The following LIN54 variants were observed in gnomAD, a reference collection of about 807,000 sequenced individuals.
LIN54 encodes protein lin-54 homolog.
A neutral mutation model predicts 78.7 loss-of-function variants in LIN54; 9 were observed. The observed-to-expected ratio is 0.11, with a 90% confidence interval of 0.07 to 0.20. The LOEUF is 0.20. LIN54 is among the 10% of genes least tolerant of loss of function. The pLI is 1.00. For synonymous variants in LIN54, 269 were observed against 318.4 expected (o/e 0.84, Z 1.65); for missense variants, 573 against 889.9 (o/e 0.64, Z 4.53).
At chr4:82,983,055 T>C (rs1350256817) in intron 2 of LIN54, among the ~76,000 whole-genome samples, 1 of 150,136 alleles carries the variant, frequency 6.7e-6, no homozygotes, top group African/African-American at 2.4e-5. Context: ...TCACCCAGGC[T>C]GGAGTGCAAT....
Position 82,984,655 on chromosome 4 carries a change from C to T in LIN54, c.190G>A (p.Glu64Lys). ...TGGTTACTGTACACTGTGATTGGTT[C>T]CGTGGAAATGGGCGTGGCTGTAGAG... is the stretch of plus-strand genomic sequence containing the variant. The part of the protein sequence containing the change: ...GDSTATPIST[E>K]PITVYSNHTN... The change falls in exon 2 of 13, where the codon GAA (glutamate) becomes AAA (lysine). Residue 64 changes from glutamate to lysine, a missense_variant. Around this residue, in one of 6 missense-constraint regions of LIN54, gnomAD observed 183 missense variants for 228.4 expected, o/e 0.80. Coordinates refer to ENST00000340417, the MANE Select transcript of LIN54 (RefSeq NM_194282.4). 3 of 1,614,108 alleles carry T rather than the reference C, an allele frequency of 1.9e-6. No homozygotes were observed. Among genetic ancestry groups the T allele is most frequent in the Non-Finnish European group, 2.5e-6 (3 of 1,180,030 alleles).
rs1181627215 is a variant in LIN54, at chr4:82,941,583, CAG to C, written c.1169-1623_1169-1622del. On this transcript the variant is annotated intron_variant, in intron 5 of 12. Coordinates refer to ENST00000340417, the MANE Select transcript of LIN54 (RefSeq NM_194282.4). ...TTGTATTTGGCAGCAGTGCATAAAA[CAG>C]AATGGAGTTGCAAGAGACAAGTCAG... 1.6e-4 allele frequency among the ~76,000 whole-genome samples: 24 copies of C among 152,102 alleles called. 1 individual carries two copies. The highest frequency in any genetic ancestry group is 2.6e-4 in the Admixed American group (4 of 15,274).
chr4:82,987,670 G>T (rs1212008360), intron 1 of LIN54, among the ~76,000 whole-genome samples: 1 of 152,150 alleles, frequency 6.6e-6, no homozygotes, highest in East Asian at 1.9e-4. Flanking sequence ...TGAGAATGAT[G>T]GCTTCCAGTT....
At chr4:82,941,678 G>C (rs2126039263) in intron 5 of LIN54, among the ~76,000 whole-genome samples, 1 of 152,278 alleles carries the variant, frequency 6.6e-6, no homozygotes, top group African/African-American at 2.4e-5. Flanking sequence ...ATAAAAAAGA[G>C]AGAGCAGATG....
At chr4:82,929,305 ATTG>A (rs966977079) in intron 12 of LIN54, among the ~76,000 whole-genome samples, 19 of 152,212 alleles carry the variant, frequency 1.2e-4, no homozygotes, top group African/African-American at 2.9e-4. Context: ...TTGTTTTCAT[ATTG>A]TTAACATCTT....
chr4:82,991,154 G>GA (rs56936823), intron 1 of LIN54, among the ~76,000 whole-genome samples: 49 of 86,318 alleles, frequency 5.7e-4, no homozygotes, highest in African/African-American at 1.6e-3. Context: ...TGTCTCTTAA[G>GA]AAAAAAAAAA....
intron 10 of LIN54, 21 bp downstream of exon 10, chr4:82,936,231 GATGAAACTGGATATTTCTGTCAGTTAA>G: frequency 6.6e-7 from 1 of 1,515,770 alleles, no homozygotes; most frequent in Non-Finnish European, 9.1e-7. Context: ...TTATAAAACT[GATGAAACTGGATATTTCTGTCAGTTAA>G]ATGAAATAAA....
intron 4 of LIN54, among the ~76,000 whole-genome samples, chr4:82,947,236 T>TATATATA (rs1553949048): frequency 2.2e-3 from 10 of 4,466 alleles, no homozygotes; most frequent in African/African-American, 3.6e-3. Flanking sequence ...TATATATATA[T>TATATATA]TTTTTTTTTT....
chr4:82,983,437 G>A (rs1327185284), intron 2 of LIN54, among the ~76,000 whole-genome samples: 3 of 152,044 alleles, frequency 2.0e-5, no homozygotes, highest in African/African-American at 7.3e-5. Context: ...CTAATAATAG[G>A]TACCATTATG....
Position 82,992,895 on chromosome 4 carries a change from G to A in LIN54, c.-32-8019C>T, listed in dbSNP as rs374664701. On this transcript the variant is annotated intron_variant, in intron 1 of 12. Coordinates refer to ENST00000340417, the MANE Select transcript of LIN54 (RefSeq NM_194282.4). ...TACAAAAAATTAGCCGGGCATGGTA[G>A]CAGGTGCCTGTAGTCCCAGCTACTC... Among the ~76,000 whole-genome samples, 93 of 151,794 alleles carry A rather than the reference G, an allele frequency of 6.1e-4. No individual in the cohort carries two copies. The East Asian group carries it at 0.017, about 28-fold the overall frequency.
Position 82,970,351 on chromosome 4 carries a change from G to A in LIN54, c.927C>T (p.Ile309=). Reference sequence around the variant, plus strand: ...CCTTATTTGGCGATTTCAAAGGTGAGATGGCTATTTTATTTGGTGTCTGTG... The same window carrying A: ...CCTTATTTGGCGATTTCAAAGGTGAAATGGCTATTTTATTTGGTGTCTGTG... ...STTQTPNKIA[I]SPLKSPNKAV... is the part of the protein sequence containing the mutation. The change falls in exon 4 of 13, where the codon ATC becomes ATT. Residue 309 remains isoleucine, a synonymous_variant. Transcript: ENST00000340417. 1 of 1,609,656 alleles carries A rather than the reference G, an allele frequency of 6.2e-7. No individual in the cohort carries two copies. The highest frequency in any genetic ancestry group is 8.5e-7 in the Non-Finnish European group (1 of 1,178,662).
At chr4:82,944,114 G>A (rs527587887) in intron 5 of LIN54, among the ~76,000 whole-genome samples, 38 of 151,158 alleles carry the variant, frequency 2.5e-4, no homozygotes, top group Admixed American at 1.2e-3. Context: ...CAAGTGATCC[G>A]CCCACCTCAG....
intron 1 of LIN54, among the ~76,000 whole-genome samples, chr4:82,993,631 T>C (rs192096991): frequency 3.9e-5 from 6 of 152,140 alleles, no homozygotes; most frequent in East Asian, 1.9e-4. Context: ...TCTTTGTTTG[T>C]TTTTGAGACA....
intron 4 of LIN54, among the ~76,000 whole-genome samples, chr4:82,958,761 G>A (rs558068534): frequency 5.3e-5 from 8 of 152,140 alleles, no homozygotes; most frequent in Admixed American, 3.9e-4. Context: ...GGAAGGCAGC[G>A]GCGCAATCTC....
chr4:82,993,737 C>T (rs1727952088), intron 1 of LIN54, among the ~76,000 whole-genome samples: 1 of 152,180 alleles, frequency 6.6e-6, no homozygotes, highest in African/African-American at 2.4e-5. Flanking sequence ...CCTGCCTCAG[C>T]CTCCCAAGTA....
rs529670948 is a variant in LIN54 at position 82,925,995 on chromosome 4, G to C, written c.*2107C>G. The C allele has an allele frequency of 6.6e-6, 1 of 152,492 alleles. No individual in the cohort carries two copies. The highest frequency in any genetic ancestry group is 1.5e-5 in the Non-Finnish European group (1 of 67,984). The allele number at this position is 152,492 out of a possible 1,614,324, so 9.4% of individuals were successfully genotyped here. A position where few individuals can be genotyped will look rare whatever the true frequency, so the allele number is the denominator to read the frequency against. On this transcript the variant is annotated 3_prime_UTR_variant, in exon 13 of 13. Transcript: ENST00000340417. ...GTAAGTACTACACAGGAAGGAAAAG[G>C]CTTAATATTTTAGATAGATAGATTT...
intron 2 of LIN54, among the ~76,000 whole-genome samples, chr4:82,980,497 C>A (rs771490712): frequency 6.6e-6 from 1 of 151,940 alleles, no homozygotes; most frequent in Non-Finnish European, 1.5e-5. Flanking sequence ...CTTACACCTA[C>A]AATATATTAC....
At chr4:82,987,995 G>A in intron 1 of LIN54, among the ~76,000 whole-genome samples, 1 of 152,140 alleles carries the variant, frequency 6.6e-6, no homozygotes, top group East Asian at 1.9e-4. Context: ...ACATTGTCAT[G>A]AACAATGTAA....
chr4:82,944,429 CTAAGTT>C (rs1326286873), intron 5 of LIN54, among the ~76,000 whole-genome samples: 7 of 152,084 alleles, frequency 4.6e-5, no homozygotes, highest in African/African-American at 1.2e-4. Flanking sequence ...CAGTACCCTG[CTAAGTT>C]TAAGTATTGA....
Sources: allele counts gnomAD v4.1 joint callset (sites outside exome capture counted in the v4.1 genomes callset), GRCh38; gene constraint gnomAD v4.1.1; regional missense constraint gnomAD v4.1.1; transcripts MANE v1.5; gene names NCBI Gene and HGNC (gene_info 2026-07-23, HGNC 2026-07-21).